CACNA1C: variants seen among roughly 807,000 people sequenced by gnomAD.
CACNA1C encodes the protein voltage-dependent L-type calcium channel subunit alpha-1C.
Under a neutral mutation model 229.0 loss-of-function variants are expected in CACNA1C, and 30 were observed. The observed-to-expected ratio is 0.13, with a 90% CI of 0.10 to 0.18. The LOEUF is 0.18. CACNA1C is among the 10% of genes least tolerant of loss of function. The pLI is 1.00. For missense variants in CACNA1C, 1,658 were observed against 2,845.0 expected (o/e 0.58, Z 9.49); for synonymous variants, 1,114 against 1,132.5 (o/e 0.98, Z 0.33).
intron 3 of CACNA1C, among the ~76,000 whole-genome samples, chr12:2,192,069 G>C (rs1566275370): frequency 6.6e-6 from 1 of 150,876 alleles, no homozygotes; most frequent in Non-Finnish European, 1.5e-5. Context: ...CTCAGGCACA[G>C]ACACACACAC....
intron 3 of CACNA1C, among the ~76,000 whole-genome samples, chr12:2,384,565 C>A (rs1038193721): frequency 9.2e-5 from 14 of 152,220 alleles, no homozygotes; most frequent in African/African-American, 2.7e-4. Flanking sequence ...GCCTCCCTTT[C>A]TCCGTTTGTG....
At chr12:2,511,053 G>A (rs1954561853) in intron 8 of CACNA1C, among the ~76,000 whole-genome samples, 1 of 151,970 alleles carries the variant, frequency 6.6e-6, no homozygotes, top group South Asian at 2.1e-4. Flanking sequence ...AAAGTCCTTG[G>A]GAAAAAAATG....
chr12:2,599,689 A>G (rs1054364378), intron 21 of CACNA1C, among the ~76,000 whole-genome samples: 1 of 152,126 alleles, frequency 6.6e-6, no homozygotes, highest in Non-Finnish European at 1.5e-5. Context: ...GTGTAGAATT[A>G]GGAAAGCAGG....
At chr12:2,497,504 C>T (rs1272887053) in intron 7 of CACNA1C, among the ~76,000 whole-genome samples, 1 of 152,150 alleles carries the variant, frequency 6.6e-6, no homozygotes, top group Non-Finnish European at 1.5e-5. Context: ...CTGGATAATT[C>T]ATCAGGAGCA....
rs141872576 is a variant in CACNA1C at position 2,513,734 on chromosome 12, G to A, written c.1390+750G>A. 4.6e-5 allele frequency among the ~76,000 whole-genome samples: 7 copies of A among 152,302 alleles called. No homozygotes were observed. The East Asian group carries it at 1.4e-3, about 29-fold the overall frequency. On this transcript the variant is annotated intron_variant, in intron 9 of 46. Coordinates refer to ENST00000399655, the MANE Select transcript of CACNA1C (RefSeq NM_000719.7). ...CCATGGTTCTCAAAGCATGGCCGCT[G>A]ACCAGCAGCGTCAGCATTACCTGGA... is the stretch of plus-strand genomic sequence containing the variant.
At chr12:2,557,022 C>T in intron 11 of CACNA1C, 45 bp downstream of exon 11, 3 of 1,566,570 alleles carry the variant, frequency 1.9e-6, no homozygotes, top group South Asian at 2.2e-5. Flanking sequence ...GCCACCAGCT[C>T]TGTCTTCAGC....
At chr12:2,513,031 G>A in intron 9 of CACNA1C, 47 bp downstream of exon 9, 1 of 1,509,276 alleles carries the variant, frequency 6.6e-7, no homozygotes, top group Non-Finnish European at 9.0e-7. Flanking sequence ...CTGGGGGAGA[G>A]GAGACAGCAT....
At chr12:2,472,602 A>C (rs758233) in intron 5 of CACNA1C, among the ~76,000 whole-genome samples, 55,836 of 151,306 alleles carry the variant, frequency 0.37, 12,413 homozygotes, top group African/African-American at 0.63. Context: ...CACTCTCTCT[A>C]TATATATATA....
intron 1 of CACNA1C, among the ~76,000 whole-genome samples, chr12:2,058,494 A>G (rs895240459): frequency 1.3e-5 from 2 of 152,208 alleles, no homozygotes; most frequent in Non-Finnish European, 2.9e-5. Context: ...GCCTAGGTTA[A>G]TGTTGGGCAC....
intron 3 of CACNA1C, among the ~76,000 whole-genome samples, chr12:2,186,188 A>G (rs1264000875): frequency 6.6e-6 from 1 of 152,156 alleles, no homozygotes; most frequent in Non-Finnish European, 1.5e-5. Flanking sequence ...TGGTTGCAAT[A>G]AAGGTCTCCC....
chr12:2,227,151 C>T (rs2063248670), intron 3 of CACNA1C, among the ~76,000 whole-genome samples: 1 of 152,220 alleles, frequency 6.6e-6, no homozygotes, highest in South Asian at 2.1e-4. Context: ...GAAATCATCC[C>T]CTCCTGACTT....
chr12:2,524,655 G>A (rs999247078), intron 9 of CACNA1C, among the ~76,000 whole-genome samples: 1 of 152,238 alleles, frequency 6.6e-6, no homozygotes, highest in Admixed American at 6.5e-5. Context: ...CCCCTTTTGT[G>A]GCTTTGCCAC....
intron 3 of CACNA1C, among the ~76,000 whole-genome samples, chr12:2,178,566 G>C (rs2096736958): frequency 6.6e-6 from 1 of 152,306 alleles, no homozygotes; most frequent in African/African-American, 2.4e-5. Flanking sequence ...TGGGCCCCTT[G>C]TGGGGGTGTC....
intron 1 of CACNA1C, among the ~76,000 whole-genome samples, chr12:2,088,815 C>G (rs2068793025): frequency 6.6e-6 from 1 of 152,028 alleles, no homozygotes; most frequent in Admixed American, 6.6e-5. Context: ...ACGGGGAAAG[C>G]AATTTTTCAG....
chr12:2,008,982 G>T (rs1010539383), intron 1 of CACNA1C, among the ~76,000 whole-genome samples: 1 of 152,072 alleles, frequency 6.6e-6, no homozygotes, highest in Non-Finnish European at 1.5e-5. Flanking sequence ...AATATACTAA[G>T]TTGCAGGCTC....
intron 3 of CACNA1C, among the ~76,000 whole-genome samples, chr12:2,245,563 A>T (rs1303357677): frequency 6.6e-6 from 1 of 152,190 alleles, no homozygotes; most frequent in African/African-American, 2.4e-5. Context: ...GGCAGCAGTT[A>T]TACTATTTCC....
chr12:2,421,451 A>G (rs1156777879), intron 3 of CACNA1C, among the ~76,000 whole-genome samples: 1 of 152,244 alleles, frequency 6.6e-6, no homozygotes, highest in East Asian at 1.9e-4. Context: ...GGGATTCACC[A>G]TGGGAAAGAG....
intron 9 of CACNA1C, among the ~76,000 whole-genome samples, chr12:2,513,525 A>G (rs2047758373): frequency 6.6e-6 from 1 of 152,258 alleles, no homozygotes; most frequent in African/African-American, 2.4e-5. Context: ...GGGGAAGCCC[A>G]GAGGAATTCG....
chr12:2,327,582 C>T (rs2096373941), intron 3 of CACNA1C, among the ~76,000 whole-genome samples: 2 of 152,220 alleles, frequency 1.3e-5, no homozygotes, highest in South Asian at 2.1e-4. Flanking sequence ...AACATTCTGA[C>T]CTAACGGTAG....
Sources: allele counts gnomAD v4.1 joint callset (sites outside exome capture counted in the v4.1 genomes callset), GRCh38; gene constraint gnomAD v4.1.1; transcripts MANE v1.5; gene names NCBI Gene and HGNC (gene_info 2026-07-23, HGNC 2026-07-21).